CAPN13: variants seen among roughly 807,000 people sequenced by gnomAD.
CAPN13 encodes the protein calpain 13, also known as calpain-13.
A neutral mutation model predicts 98.4 loss-of-function variants in CAPN13; 90 were observed. That is an observed-to-expected ratio of 0.92 (90% CI 0.77 to 1.09). CAPN13 has a LOEUF of 1.09. Among genes scored for constraint, CAPN13 ranks in the 50% least tolerant of loss-of-function variants. The pLI is 0.00. For synonymous variants in CAPN13, 330 were observed against 305.5 expected, an observed-to-expected ratio of 1.08 and a Z score of -0.84; for missense variants, 887 against 841.3, an observed-to-expected ratio of 1.05 and a Z score of -0.67.
chr2:30,758,757 TC>T (rs1558314441), intron 7 of CAPN13, among the ~76,000 whole-genome samples: 2 of 135,220 alleles, frequency 1.5e-5, no homozygotes, highest in Non-Finnish European at 3.1e-5. Flanking sequence ...CCTCCCTCCC[TC>T]TCTTTCCTTT....
intron 17 of CAPN13, chr2:30,737,150 C>T (rs560053045): frequency 1.2e-4 from 18 of 153,214 alleles, no homozygotes; most frequent in East Asian, 9.6e-4. Context: ...GACCTCCCCT[C>T]GGGTTACTCA....
At position 30,731,384 on chromosome 2, in the gene CAPN13, A is replaced by T. The variant is rs1476301227; in HGVS notation, c.1943T>A (p.Leu648His). Residue 648 changes from leucine (L) to histidine (H), a missense_variant, in exon 21 of 23, where the codon CTC becomes CAC. Leu to His is a moderately conservative substitution (Grantham distance 99). Transcript: ENST00000295055. ...LEAMAKTFRN[L>H]SKDGKGLYLT... ...GTAGAGTCCTTTTCCATCCTTAGAG[A>T]GGTTGCGGAAGGTCTCTAGGATAAA... The T allele has an allele frequency of 1.9e-6, 3 of 1,609,638 alleles. No homozygotes were observed. The highest frequency in any genetic ancestry group is 2.5e-6 in the Non-Finnish European group (3 of 1,178,040).
chr2:30,724,114 A>C (rs926421571), intron 22 of CAPN13, among the ~76,000 whole-genome samples: 1 of 152,070 alleles, frequency 6.6e-6, no homozygotes, highest in Admixed American at 6.6e-5. Context: ...TCATGTCTAC[A>C]TCTTCCCTCC....
intron 2 of CAPN13, among the ~76,000 whole-genome samples, chr2:30,781,286 C>T (rs368519979): frequency 3.9e-5 from 6 of 152,206 alleles, no homozygotes; most frequent in African/African-American, 1.4e-4. Flanking sequence ...GCAGCATCTT[C>T]TCAACTTTAT....
At chr2:30,776,262 C>T (rs759076938) in intron 3 of CAPN13, among the ~76,000 whole-genome samples, 1 of 152,124 alleles carries the variant, frequency 6.6e-6, no homozygotes, top group African/African-American at 2.4e-5. Flanking sequence ...CATGGAGTCT[C>T]GCTCTGTAGC....
At chr2:30,760,631 C>T (rs903064623) in intron 7 of CAPN13, among the ~76,000 whole-genome samples, 10 of 152,204 alleles carry the variant, frequency 6.6e-5, no homozygotes, top group African/African-American at 2.4e-4. Context: ...AAAAAGCGCG[C>T]CACATTTATG....
intron 7 of CAPN13, 115 bp from the exon 8 acceptor site, chr2:30,758,252 G>T: frequency 1.4e-6 from 1 of 709,620 alleles, no homozygotes. Flanking sequence ...GACCTCATTT[G>T]GCTGCAGCCA....
intron 1 of CAPN13, among the ~76,000 whole-genome samples, chr2:30,792,145 C>T (rs747852679): frequency 2.8e-4 from 42 of 151,768 alleles, no homozygotes; most frequent in Non-Finnish European, 4.9e-4. Flanking sequence ...ATTAGGAAGA[C>T]GTGAATAAGT....
chr2:30,787,288 A>T lies in CAPN13; in HGVS notation c.38T>A (p.Ile13Asn). ...YYQEPSVETSIIKFKDQDFTT... is the reference protein window; with the variant it reads ...YYQEPSVETSNIKFKDQDFTT... ...AAAGTCCTGGTCTTTGAACTTGATG[A>T]TGGAGGTCTCCACTGAAGGCTCCTG... Residue 13 changes from isoleucine to asparagine, a missense_variant, in exon 2 of 23, where the codon ATC becomes AAC. Transcript: ENST00000295055. 6.2e-7 allele frequency: 1 copy of T among 1,613,376 alleles called. No individual in the cohort carries two copies. Among genetic ancestry groups the T allele is most frequent in the South Asian group, 1.1e-5 (1 of 90,764 alleles).
intron 18 of CAPN13, 122 bp from the exon 19 acceptor site, chr2:30,734,646 C>T (rs1431034261): frequency 1.3e-6 from 1 of 751,704 alleles, no homozygotes; most frequent in East Asian, 2.7e-5. Context: ...GCACTGAGGA[C>T]TGGGAGGACA....
At chr2:30,806,658 C>G (rs1200383179) in intron 1 of CAPN13, among the ~76,000 whole-genome samples, 1 of 152,166 alleles carries the variant, frequency 6.6e-6, no homozygotes, top group Non-Finnish European at 1.5e-5. Context: ...GGAACTGTCT[C>G]CCTGAGAACA....
chr2:30,777,436 G>C (rs1424021663), intron 3 of CAPN13, 131 bp downstream of exon 3: 1 of 749,708 alleles, frequency 1.3e-6, no homozygotes, highest in East Asian at 2.7e-5. Context: ...GACTGGGCGT[G>C]AGCAGTTTGT....
At chr2:30,734,589 A>G (rs751646757) in intron 18 of CAPN13, 65 bp from the exon 19 acceptor site, 19 of 1,315,746 alleles carry the variant, frequency 1.4e-5, no homozygotes, top group Non-Finnish European at 2.0e-5. Context: ...CTCCTTTTCC[A>G]TCCTGGGAGC....
chr2:30,765,035 C>T (rs1673043641), intron 5 of CAPN13, among the ~76,000 whole-genome samples: 1 of 152,144 alleles, frequency 6.6e-6, no homozygotes, highest in African/African-American at 2.4e-5. Flanking sequence ...CCCCCTTCTC[C>T]AAAGCATCTC....
chr2:30,731,293 G>T (rs1487169635), intron 21 of CAPN13, 51 bp downstream of exon 21: 7 of 1,524,444 alleles, frequency 4.6e-6, no homozygotes, highest in Non-Finnish European at 6.2e-6. Flanking sequence ...AATCAAGTCA[G>T]GGGAGGCAGC....
At chr2:30,766,107 C>A (rs1337271328) in intron 5 of CAPN13, among the ~76,000 whole-genome samples, 1 of 152,214 alleles carries the variant, frequency 6.6e-6, no homozygotes, top group Non-Finnish European at 1.5e-5. Context: ...GGTTTGGGAA[C>A]CCATTCCCCA....
At chr2:30,736,973 G>A (rs1671399175) in intron 17 of CAPN13, among the ~76,000 whole-genome samples, 1 of 152,192 alleles carries the variant, frequency 6.6e-6, no homozygotes, top group African/African-American at 2.4e-5. Flanking sequence ...AGTGTAGAGG[G>A]AATGCATCTC....
At chr2:30,733,274 A>C (rs1671195067) in intron 19 of CAPN13, among the ~76,000 whole-genome samples, 1 of 152,056 alleles carries the variant, frequency 6.6e-6, no homozygotes, top group Admixed American at 6.5e-5. Flanking sequence ...GAGACACAGG[A>C]GGTTTCTCTA....
At chr2:30,788,830 G>A (rs1048589186) in intron 1 of CAPN13, among the ~76,000 whole-genome samples, 1 of 152,172 alleles carries the variant, frequency 6.6e-6, no homozygotes, top group African/African-American at 2.4e-5. Flanking sequence ...CAGTCATTGT[G>A]CAAGCATATT....
Sources: gnomAD v4.1 joint callset for allele counts (sites outside exome capture counted in the v4.1 genomes callset) on GRCh38, gnomAD v4.1.1 for gene constraint, MANE v1.5 for transcripts, NCBI Gene and HGNC (gene_info 2026-07-23, HGNC 2026-07-21) for gene names.